Variants in FHIT observed in about 807,000 individuals in gnomAD.
FHIT encodes fragile histidine triad diadenosine triphosphatase.
In FHIT, 19 loss-of-function variants were observed where a neutral mutation model predicts 17.9. The observed-to-expected ratio is 1.06, with a 90% CI of 0.74 to 1.56. The LOEUF (loss-of-function observed/expected upper bound fraction) is 1.56. Among genes scored for constraint, FHIT ranks in the 40% most tolerant of loss-of-function variants. FHIT has a pLI of 0.00. For missense variants in FHIT, 248 were observed against 189.2 expected (o/e 1.31, Z -1.82); for synonymous variants, 81 against 69.7 (o/e 1.16, Z -0.81).
chr3:60,694,462 G>A (rs1040509496), intron 4 of FHIT, among the ~76,000 whole-genome samples: 1 of 152,164 alleles, frequency 6.6e-6, no homozygotes, highest in Non-Finnish European at 1.5e-5. Context: ...TTACATTGTT[G>A]GTGGGACTGT....
In FHIT at chr3:60,165,634, T is replaced by C. The variant is rs759969171; in HGVS notation, c.104-151482A>G. ...AGACTAAGAATGTCAAATGAGATTA[T>C]AAAGATACCTATCTTTGCTCAAATA... On this transcript the variant is annotated intron_variant, in intron 5 of 9. Transcript: ENST00000492590. 8.5e-5 allele frequency among the ~76,000 whole-genome samples: 13 copies of C among 152,286 alleles called. No individual in the cohort carries two copies. The South Asian group carries it at 1.5e-3, about 17-fold the overall frequency.
intron 8 of FHIT, among the ~76,000 whole-genome samples, chr3:59,905,579 C>A (rs2107107423): frequency 6.6e-6 from 1 of 152,246 alleles, no homozygotes; most frequent in Middle Eastern, 3.4e-3. Flanking sequence ...ATGATGGTAA[C>A]AATAAACTCA....
At chr3:60,663,718 C>A (rs1553691762) in intron 4 of FHIT, among the ~76,000 whole-genome samples, 1 of 152,146 alleles carries the variant, frequency 6.6e-6, no homozygotes, top group Non-Finnish European at 1.5e-5. Flanking sequence ...TGCACCCGGC[C>A]TCTGTACCTG....
chr3:60,122,328 G>A (rs1705296459), intron 5 of FHIT, among the ~76,000 whole-genome samples: 1 of 152,152 alleles, frequency 6.6e-6, no homozygotes, highest in South Asian at 2.1e-4. Flanking sequence ...AGGGAATTGT[G>A]GGAAATGTAA....
intron 4 of FHIT, among the ~76,000 whole-genome samples, chr3:60,672,022 T>C (rs1268005969): frequency 2.6e-5 from 4 of 152,212 alleles, no homozygotes; most frequent in East Asian, 1.9e-4. Flanking sequence ...CTCTTTATCT[T>C]TGGTAAACCT....
At chr3:60,521,837 G>A (rs1446130095) in intron 5 of FHIT, among the ~76,000 whole-genome samples, 1 of 152,186 alleles carries the variant, frequency 6.6e-6, no homozygotes, top group Non-Finnish European at 1.5e-5. Flanking sequence ...AAATGAGGCA[G>A]TAGAGCCATT....
chr3:59,864,090 C>T (rs1001719210), intron 8 of FHIT, among the ~76,000 whole-genome samples: 1 of 152,128 alleles, frequency 6.6e-6, no homozygotes, highest in African/African-American at 2.4e-5. Context: ...AGATGGCAGA[C>T]AGTGATCGGC....
chr3:60,471,217 G>C lies in FHIT; in HGVS notation c.103+65643C>G, dbSNP rs867465207. Among the ~76,000 whole-genome samples the C allele has an allele frequency of 2.6e-5, 4 of 152,292 alleles. No homozygotes were observed. The Middle Eastern group carries it at 0.01, about 389-fold the overall frequency. ...AGCAGCTCAAGCACTCCCTTCACCA[G>C]CTGATATCTTCTTAGGTCATGTGTA... On this transcript the variant is annotated intron_variant, in intron 5 of 9. Transcript: ENST00000492590.
chr3:59,984,648 C>T (rs960492384), intron 7 of FHIT, among the ~76,000 whole-genome samples: 2 of 151,970 alleles, frequency 1.3e-5, no homozygotes, highest in Non-Finnish European at 2.9e-5. Context: ...AGAATGGAAC[C>T]AAGGCACACA....
At chr3:60,561,946 AAC>A (rs1491026431) in intron 4 of FHIT, among the ~76,000 whole-genome samples, 55 of 150,388 alleles carry the variant, frequency 3.7e-4, no homozygotes, top group African/African-American at 1.1e-3. Flanking sequence ...GAAAGAGAGA[AAC>A]AGAGAGAGAG....
chr3:59,847,425 T>G (rs1701762110), intron 8 of FHIT, among the ~76,000 whole-genome samples: 1 of 152,190 alleles, frequency 6.6e-6, no homozygotes, highest in Non-Finnish European at 1.5e-5. Context: ...AATTTATTTT[T>G]GGTTTCTTTG....
chr3:60,470,122 C>T (rs1385163830), intron 5 of FHIT, among the ~76,000 whole-genome samples: 3 of 150,776 alleles, frequency 2.0e-5, no homozygotes, highest in African/African-American at 7.4e-5. Flanking sequence ...ACAAGCACTC[C>T]TGTGGCCACC....
At chr3:60,713,018 T>C (rs1183740469) in intron 4 of FHIT, among the ~76,000 whole-genome samples, 1 of 151,822 alleles carries the variant, frequency 6.6e-6, no homozygotes, top group Non-Finnish European at 1.5e-5. Context: ...ATTGACCACA[T>C]AGTTGGAAGT....
intron 3 of FHIT, among the ~76,000 whole-genome samples, chr3:60,825,302 A>C (rs1702074640): frequency 6.6e-6 from 1 of 152,244 alleles, no homozygotes; most frequent in African/African-American, 2.4e-5. Flanking sequence ...AAGGCAAATC[A>C]GTAAATAAAA....
chr3:59,853,223 T>A (rs1347208025), intron 8 of FHIT, among the ~76,000 whole-genome samples: 5 of 152,224 alleles, frequency 3.3e-5, no homozygotes. Flanking sequence ...TTCTAATAAG[T>A]GTGTGGTGGT....
At chr3:60,346,013 A>G (rs758638985) in intron 5 of FHIT, among the ~76,000 whole-genome samples, 4 of 152,122 alleles carry the variant, frequency 2.6e-5, no homozygotes, top group Non-Finnish European at 4.4e-5. Flanking sequence ...GGTCTTATCT[A>G]TTCTTCCTTT....
chr3:59,825,982 G>A (rs969604360), intron 8 of FHIT, among the ~76,000 whole-genome samples: 6 of 152,122 alleles, frequency 3.9e-5, no homozygotes, highest in Non-Finnish European at 7.4e-5. Context: ...TAAAAATAAG[G>A]AATATTGACA....
At chr3:60,232,480 A>G (rs1704547056) in intron 5 of FHIT, among the ~76,000 whole-genome samples, 1 of 152,060 alleles carries the variant, frequency 6.6e-6, no homozygotes, top group South Asian at 2.1e-4. Flanking sequence ...CTCTTTTTCT[A>G]TTGAAGGCTG....
chr3:59,908,438 C>T (rs1336292841), intron 8 of FHIT, among the ~76,000 whole-genome samples: 1 of 152,190 alleles, frequency 6.6e-6, no homozygotes, highest in African/African-American at 2.4e-5. Context: ...CCTTCATGTG[C>T]TTGTGACAAG....
Sources: allele counts gnomAD v4.1 joint callset (sites outside exome capture counted in the v4.1 genomes callset), GRCh38; gene constraint gnomAD v4.1.1; transcripts MANE v1.5; gene names NCBI Gene and HGNC (gene_info 2026-07-23, HGNC 2026-07-21).